The following ALOX5 variants were observed in gnomAD, a reference collection of about 807,000 sequenced individuals.
ALOX5 encodes arachidonate 5-lipoxygenase, also known as polyunsaturated fatty acid 5-lipoxygenase.
Under a neutral mutation model 87.9 loss-of-function variants are expected in ALOX5, and 64 were observed. The observed-to-expected ratio is 0.73, with a 90% CI of 0.60 to 0.90. The LOEUF (loss-of-function observed/expected upper bound fraction) is 0.90. Among genes scored for constraint, ALOX5 ranks in the 40% least tolerant of loss-of-function variants. ALOX5 has a pLI of 0.00. For missense variants in ALOX5, 822 were observed against 907.5 expected, an observed-to-expected ratio of 0.91 and a Z score of 1.21; for synonymous variants, 388 against 355.1, an observed-to-expected ratio of 1.09 and a Z score of -1.04.
At position 45,441,252 on chromosome 10, in the gene ALOX5, A is replaced by C. The variant is rs1313439743; in HGVS notation, c.1186-92A>C. The C allele has an allele frequency of 1.0e-5, 11 of 1,099,048 alleles. No homozygotes were observed. In the African/African-American group the frequency reaches 1.5e-4, roughly 15 times the overall value. 68.1% of individuals were successfully genotyped at this position (1,099,048 alleles called of 1,614,324 possible). ...CTCCCTGCGCCCAGCATCATCCTATAGGGCAGGCCTGGGTGGGGGAGCTGC... is the reference window on the plus strand; with the variant it reads ...CTCCCTGCGCCCAGCATCATCCTATCGGGCAGGCCTGGGTGGGGGAGCTGC... On this transcript the variant is annotated intron_variant, in intron 8 of 13. Coordinates refer to ENST00000374391, the MANE Select transcript of ALOX5 (RefSeq NM_000698.5).
chr10:45,431,096 A>G (rs1841889374), intron 7 of ALOX5, among the ~76,000 whole-genome samples: 1 of 152,250 alleles, frequency 6.6e-6, no homozygotes, highest in South Asian at 2.1e-4. Context: ...TATTATACCC[A>G]TAAGGATAAA....
At chr10:45,420,110 A>G (rs1564436024) in intron 4 of ALOX5, among the ~76,000 whole-genome samples, 3 of 152,228 alleles carry the variant, frequency 2.0e-5, no homozygotes, top group Admixed American at 6.5e-5. Context: ...GGATTCTCCC[A>G]CTTTTAACTT....
At chr10:45,435,184 A>G (rs530333300) in intron 7 of ALOX5, among the ~76,000 whole-genome samples, 63 of 152,118 alleles carry the variant, frequency 4.1e-4, no homozygotes, top group African/African-American at 1.4e-3. Flanking sequence ...GAAGAGAAGC[A>G]GAAGGGAGAG....
chr10:45,429,439 T>G (rs116883184), intron 7 of ALOX5, among the ~76,000 whole-genome samples: 1,868 of 152,274 alleles, frequency 0.012, 23 homozygotes, highest in Middle Eastern at 0.034. Context: ...TTGGGAGCTG[T>G]GGACACAATA....
At chr10:45,376,027 C>T (rs2132661411) in intron 1 of ALOX5, among the ~76,000 whole-genome samples, 1 of 152,342 alleles carries the variant, frequency 6.6e-6, no homozygotes, top group Non-Finnish European at 1.5e-5. Context: ...CATTCTCCTC[C>T]ACACATCATA....
intron 3 of ALOX5, among the ~76,000 whole-genome samples, chr10:45,411,784 G>T (rs1266834536): frequency 1.3e-5 from 2 of 152,216 alleles, no homozygotes; most frequent in African/African-American, 4.8e-5. Flanking sequence ...GATCAAGTTG[G>T]CAGAATGGTG....
intron 3 of ALOX5, among the ~76,000 whole-genome samples, chr10:45,403,660 C>T (rs1413509503): frequency 6.6e-6 from 1 of 152,072 alleles, no homozygotes; most frequent in Non-Finnish European, 1.5e-5. Flanking sequence ...AACTTACATG[C>T]CATTAGCATC....
At chr10:45,405,924 A>G (rs528942082) in intron 3 of ALOX5, among the ~76,000 whole-genome samples, 1 of 152,200 alleles carries the variant, frequency 6.6e-6, no homozygotes, top group African/African-American at 2.4e-5. Context: ...GTTTTCATAC[A>G]TACCTGGGTG....
chr10:45,411,996 A>G (rs1485053058), intron 3 of ALOX5, among the ~76,000 whole-genome samples, 195 bp from the exon 4 acceptor site: 2 of 152,166 alleles, frequency 1.3e-5, no homozygotes, highest in South Asian at 2.1e-4. Context: ...GGGCACAGCA[A>G]AGTTGGTGCG....
At chr10:45,383,184 T>G (rs1296713291) in intron 2 of ALOX5, among the ~76,000 whole-genome samples, 1 of 152,246 alleles carries the variant, frequency 6.6e-6, no homozygotes, top group Admixed American at 6.5e-5. Context: ...TGGACAAGCC[T>G]GCAAATCACA....
rs1452486495 is a variant in ALOX5 at position 45,435,448 on chromosome 10, CT to C, written c.982-4978del. 4.6e-5 allele frequency among the ~76,000 whole-genome samples: 7 copies of C among 152,212 alleles called. No individual in the cohort carries two copies. In the East Asian group the frequency reaches 1.3e-3, roughly 29 times the overall value. On this transcript the variant is annotated intron_variant, in intron 7 of 13. Transcript: ENST00000374391. The stretch of plus-strand genomic sequence containing the variant: ...CTCCCCTTCCTGGAGTCCCCAGTGT[CT>C]TTTGTTCCCACTTTTATGCCCATGT...
chr10:45,380,485 C>T lies in ALOX5; in HGVS notation c.151-1998C>T, dbSNP rs145063305. 6.5e-4 allele frequency among the ~76,000 whole-genome samples: 99 copies of T among 152,356 alleles called. 1 individual carries two copies. In the South Asian group the frequency reaches 0.011, roughly 17 times the overall value. ...GTTCCCATTCCTCTTAGGAAGCCCT[C>T]CAGGGGTCCTCCTGGCAGCTTGGAG... On this transcript the variant is annotated intron_variant, in intron 1 of 13. Coordinates refer to ENST00000374391, the MANE Select transcript of ALOX5 (RefSeq NM_000698.5).
At chr10:45,394,578 T>C (rs971824839) in intron 2 of ALOX5, among the ~76,000 whole-genome samples, 3 of 152,106 alleles carry the variant, frequency 2.0e-5, no homozygotes, top group Non-Finnish European at 2.9e-5. Flanking sequence ...CCAAAAGCAA[T>C]GGCAACAAAA....
chr10:45,391,078 TCTC>T, intron 2 of ALOX5, among the ~76,000 whole-genome samples: 1 of 15,036 alleles, frequency 6.7e-5, no homozygotes, highest in African/African-American at 4.3e-4. Flanking sequence ...CTCCCCACGG[TCTC>T]CCTCTCCCTC....
intron 1 of ALOX5, among the ~76,000 whole-genome samples, chr10:45,375,186 T>TCCCTC (rs1839555315): frequency 6.6e-6 from 1 of 151,848 alleles, no homozygotes; most frequent in Non-Finnish European, 1.5e-5. Flanking sequence ...GGGGCTGCAC[T>TCCCTC]CCCTCCCAGC....
At chr10:45,386,861 G>T (rs1303599313) in intron 2 of ALOX5, among the ~76,000 whole-genome samples, 2 of 152,046 alleles carry the variant, frequency 1.3e-5, no homozygotes, top group Non-Finnish European at 2.9e-5. Flanking sequence ...TGCTCTAAAG[G>T]CTCTGAGAAG....
chr10:45,442,816 G>T, intron 9 of ALOX5: 1 of 567,738 alleles, frequency 1.8e-6, no homozygotes, highest in Middle Eastern at 4.6e-4. Flanking sequence ...CCACGGTTCA[G>T]TCCCTTGCAT....
At chr10:45,418,714 G>A (rs1480858334) in intron 4 of ALOX5, among the ~76,000 whole-genome samples, 1 of 152,208 alleles carries the variant, frequency 6.6e-6, no homozygotes, top group African/African-American at 2.4e-5. Context: ...GTGGGCACAG[G>A]TGTGGCGAGG....
At chr10:45,423,711 G>C (rs73283196) in intron 4 of ALOX5, among the ~76,000 whole-genome samples, 8,769 of 152,280 alleles carry the variant, frequency 0.058, 362 homozygotes, top group African/African-American at 0.11. Context: ...ATCTCTGTTC[G>C]TAGAAGCTTT....
Sources: gnomAD v4.1 joint callset for allele counts (sites outside exome capture counted in the v4.1 genomes callset) on GRCh38, gnomAD v4.1.1 for gene constraint, MANE v1.5 for transcripts, NCBI Gene and HGNC (gene_info 2026-07-23, HGNC 2026-07-21) for gene names.